The following TNRC6B variants were observed in gnomAD, a reference collection of about 807,000 sequenced individuals.
TNRC6B encodes the protein trinucleotide repeat containing adaptor 6B, also known as trinucleotide repeat-containing gene 6B protein.
Under a neutral mutation model 203.6 loss-of-function variants are expected in TNRC6B, and 52 were observed. The ratio of observed to expected loss-of-function variants is 0.26; its 90% CI spans 0.20 to 0.32. The LOEUF is 0.32. TNRC6B is among the 10% of genes least tolerant of loss of function. The probability of loss-of-function intolerance (pLI) is 1.00; values close to 1 mark genes in which losing one functional copy is unlikely to be tolerated. For missense variants in TNRC6B, 1,923 were observed against 2,286.2 expected (o/e 0.84, Z 3.24); for synonymous variants, 838 against 845.7 (o/e 0.99, Z 0.16).
chr22:40,236,684 G>C (rs1328943958), intron 1 of TNRC6B, among the ~76,000 whole-genome samples: 3 of 152,164 alleles, frequency 2.0e-5, no homozygotes, highest in Non-Finnish European at 4.4e-5. Flanking sequence ...TTCCTGTCAA[G>C]ATGAACCCTG....
chr22:40,211,361 G>A (rs1341599188), intron 1 of TNRC6B, among the ~76,000 whole-genome samples: 1 of 147,890 alleles, frequency 6.8e-6, no homozygotes, highest in Non-Finnish European at 1.5e-5. Flanking sequence ...TTACAGGCAT[G>A]AGCCACCATG....
intron 1 of TNRC6B, among the ~76,000 whole-genome samples, chr22:40,240,809 G>A (rs1352968703): frequency 6.6e-6 from 1 of 152,116 alleles, no homozygotes; most frequent in Admixed American, 6.6e-5. Flanking sequence ...GTTGCTGTAT[G>A]GGAGGGTTTT....
intron 9 of TNRC6B, among the ~76,000 whole-genome samples, chr22:40,279,154 T>A (rs2070691736): frequency 6.6e-6 from 1 of 152,188 alleles, no homozygotes; most frequent in South Asian, 2.1e-4. Context: ...ACCAGGATGC[T>A]TCGTTATTGA....
At chr22:40,115,243 A>G (rs746299306) in intron 1 of TNRC6B, among the ~76,000 whole-genome samples, 6 of 152,218 alleles carry the variant, frequency 3.9e-5, no homozygotes, top group African/African-American at 1.2e-4. Flanking sequence ...TGGACTAATG[A>G]TAGATCCAGA....
chr22:40,216,127 A>G (rs138020), intron 1 of TNRC6B, among the ~76,000 whole-genome samples: 93,564 of 152,246 alleles, frequency 0.61, 33,416 homozygotes, highest in East Asian at 0.99. Flanking sequence ...TTTCTGCTGC[A>G]TAGCCTTGGC....
chr22:40,249,739 T>G (rs1324269054), intron 2 of TNRC6B, among the ~76,000 whole-genome samples: 1 of 152,236 alleles, frequency 6.6e-6, no homozygotes, highest in African/African-American at 2.4e-5. Context: ...GGAATTGGTA[T>G]GTGGCTGCAT....
chr22:40,095,724 C>G (rs1263326261), intron 1 of TNRC6B, among the ~76,000 whole-genome samples: 1 of 150,268 alleles, frequency 6.7e-6, no homozygotes, highest in African/African-American at 2.5e-5. Context: ...GCTCACTTGC[C>G]CCTTTATTAT....
At chr22:40,150,207 C>G (rs552983494) in intron 3 of TNRC6B, among the ~76,000 whole-genome samples, 3 of 152,124 alleles carry the variant, frequency 2.0e-5, no homozygotes, top group African/African-American at 7.2e-5. Context: ...GAAACCCCGT[C>G]TCTACTAAAA....
intron 12 of TNRC6B, among the ~76,000 whole-genome samples, chr22:40,287,592 T>C (rs914382645): frequency 6.6e-6 from 1 of 152,190 alleles, no homozygotes; most frequent in African/African-American, 2.4e-5. Context: ...GTTTGTCCTT[T>C]AGACAGAGCC....
chr22:40,174,690 T>G (rs1001578879), upstream of TNRC6B, among the ~76,000 whole-genome samples: 2 of 152,096 alleles, frequency 1.3e-5, no homozygotes, highest in African/African-American at 4.8e-5. Flanking sequence ...CCGAGCGTGG[T>G]GGCAGGCACC....
Position 40,329,808 on chromosome 22 carries a change from A to T in TNRC6B, c.*6567A>T, listed in dbSNP as rs1035659189. 2.0e-5 allele frequency: 3 copies of T among 152,204 alleles called. No individual in the cohort carries two copies. Among genetic ancestry groups the T allele is most frequent in the African/African-American group, 4.8e-5 (2 of 41,456 alleles). 9.4% of individuals were successfully genotyped at this position (152,204 alleles called of 1,614,324 possible). A position where few individuals can be genotyped will look rare whatever the true frequency, so the allele number is the denominator to read the frequency against. ...CCTACCGCCACCCAAAAAAGTAACG[A>T]AAGTTGCAGTAACTGCCAGTGTTTG... On this transcript the variant is annotated 3_prime_UTR_variant, in exon 23 of 23. Coordinates refer to ENST00000454349, the MANE Select transcript of TNRC6B (RefSeq NM_001162501.2).
At chr22:40,232,400 A>G (rs910857710) in intron 1 of TNRC6B, among the ~76,000 whole-genome samples, 1 of 152,234 alleles carries the variant, frequency 6.6e-6, no homozygotes, top group Non-Finnish European at 1.5e-5. Context: ...GGGATGCATC[A>G]TGGATAACTG....
intron 1 of TNRC6B, among the ~76,000 whole-genome samples, chr22:40,079,388 G>A (rs534163231): frequency 2.0e-4 from 31 of 152,158 alleles, no homozygotes; most frequent in African/African-American, 6.5e-4. Context: ...TTTTCCAGCA[G>A]GGTGAATGTA....
upstream of TNRC6B, among the ~76,000 whole-genome samples, chr22:40,173,808 T>A (rs1176069503): frequency 2.5e-5 from 3 of 121,430 alleles, no homozygotes; most frequent in Non-Finnish European, 5.2e-5. Flanking sequence ...TTTTTTTTTT[T>A]TTTTTTTTTT....
rs35575346 is a variant in TNRC6B, at chr22:40,269,126, CTTTTTTTTTTTT to C, written c.2807-980_2807-969del. On this transcript the variant is annotated intron_variant, in intron 5 of 22. Transcript: ENST00000454349. ...CTTAATTGCTTCATATACAGTATTT[CTTTTTTTTTTTT>C]TTTTTTTTTTTTTTTGAGAGGGAGT... is the stretch of plus-strand genomic sequence containing the variant. Among the ~76,000 whole-genome samples, 6 of 57,876 alleles carry C rather than the reference CTTTTTTTTTTTT, an allele frequency of 1.0e-4. No homozygotes were observed. In the Admixed American group the frequency reaches 1.1e-3, roughly 11 times the overall value. 38.0% of individuals were successfully genotyped at this position (57,876 alleles called of 152,430 possible).
At chr22:40,057,290 A>G (rs2067806512) in intron 1 of TNRC6B, among the ~76,000 whole-genome samples, 1 of 128,714 alleles carries the variant, frequency 7.8e-6, no homozygotes, top group Non-Finnish European at 1.6e-5. Flanking sequence ...AAAATATGCC[A>G]GGTTTTTTTT....
chr22:40,100,030 C>T (rs1322662167), intron 1 of TNRC6B, among the ~76,000 whole-genome samples: 4 of 151,864 alleles, frequency 2.6e-5, no homozygotes, highest in African/African-American at 4.8e-5. Context: ...GGATTACAGA[C>T]GTGGGCCACT....
At chr22:40,137,727 T>C (rs1023854313) in intron 3 of TNRC6B, among the ~76,000 whole-genome samples, 4 of 152,174 alleles carry the variant, frequency 2.6e-5, no homozygotes, top group African/African-American at 7.2e-5. Flanking sequence ...CCCACACCTA[T>C]AATCCCAGCA....
chr22:40,316,683 T>C (rs1238927945), intron 21 of TNRC6B, among the ~76,000 whole-genome samples: 1 of 152,162 alleles, frequency 6.6e-6, no homozygotes, highest in Non-Finnish European at 1.5e-5. Context: ...AAAGTTCATC[T>C]CCTGATCACT....
Sources: gnomAD v4.1 joint callset for allele counts (sites outside exome capture counted in the v4.1 genomes callset) on GRCh38, gnomAD v4.1.1 for gene constraint, MANE v1.5 for transcripts, NCBI Gene and HGNC (gene_info 2026-07-23, HGNC 2026-07-21) for gene names.